TRPM8: variants seen among roughly 807,000 people sequenced by gnomAD.
TRPM8 encodes TRPM8 cationic channel.
TRPM8 carries 110 observed loss-of-function variants against 133.7 expected under a neutral mutation model. The observed-to-expected ratio is 0.82, with a 90% CI of 0.70 to 0.96. TRPM8 has a LOEUF of 0.96. Among genes scored for constraint, TRPM8 ranks in the 40% least tolerant of loss-of-function variants. TRPM8 has a pLI of 0.00. For missense variants in TRPM8, 1,291 were observed against 1,379.5 expected (o/e 0.94, Z 1.02); for synonymous variants, 535 against 532.3 (o/e 1.01, Z -0.07).
chr2:233,994,977 G>T (rs1375593938), intron 21 of TRPM8, among the ~76,000 whole-genome samples: 1 of 152,180 alleles, frequency 6.6e-6, no homozygotes, highest in Non-Finnish European at 1.5e-5. Flanking sequence ...CTAGCAAGTG[G>T]CCCAGTAAAA....
Position 233,996,510 on chromosome 2 carries a change from G to C in TRPM8, c.3124G>C (p.Val1042Leu). 1 of 1,614,150 alleles carries C rather than the reference G, an allele frequency of 6.2e-7. No individual in the cohort carries two copies. The highest frequency in any genetic ancestry group is 8.5e-7 in the Non-Finnish European group (1 of 1,179,998). The change falls in exon 22 of 26, where the codon GTC becomes CTC. Residue 1042 changes from valine to leucine, a missense_variant. By Grantham distance (32) the Val-to-Leu change is conservative (BLOSUM62 1). This residue lies in a region of TRPM8 where 328 missense variants were observed against 410.6 expected (regional missense o/e 0.80). Transcript: ENST00000324695. ...CCKEKNMESS[V>L]CCFKNEDNET... ...CAAGGAGAAAAACATGGAGTCTTCT[G>C]TCTGCTGTGAGTGGTTTATCCATGT...
At chr2:233,997,911 C>T (rs553765826) in intron 22 of TRPM8, among the ~76,000 whole-genome samples, 5 of 152,298 alleles carry the variant, frequency 3.3e-5, no homozygotes, top group African/African-American at 4.8e-5. Context: ...GAGCCAGCAT[C>T]CAGCTCTCTT....
At chr2:233,968,533 G>T (rs920101867) in intron 15 of TRPM8, among the ~76,000 whole-genome samples, 4 of 152,170 alleles carry the variant, frequency 2.6e-5, no homozygotes, top group Admixed American at 2.6e-4. Context: ...GTCCTCATGG[G>T]TCAAGCACGC....
In TRPM8 at chr2:233,939,187, A is replaced by G. The variant is rs1321616950; in HGVS notation, c.526+12A>G. ...CGCGCAGTCCAAAGGTGAGGGTGGG[A>G]GCAGCGACCGCGGGTTCTTCCATTC... On this transcript the variant is annotated intron_variant, in intron 5 of 25. Coordinates refer to ENST00000324695, the MANE Select transcript of TRPM8 (RefSeq NM_024080.5). 14 of 1,612,056 alleles carry G rather than the reference A, an allele frequency of 8.7e-6. No individual in the cohort carries two copies. The highest frequency in any genetic ancestry group is 1.7e-4 in the Middle Eastern group (1 of 6,028).
chr2:234,014,514 G>A (rs201568849), intron 24 of TRPM8, 48 bp from the exon 25 acceptor site: 1 of 1,269,622 alleles, frequency 7.9e-7, no homozygotes, highest in Non-Finnish European at 1.1e-6. Flanking sequence ...AAAAATGAAA[G>A]TTGGAAAATT....
intron 17 of TRPM8, among the ~76,000 whole-genome samples, chr2:233,973,633 A>T (rs981525609): frequency 3.5e-4 from 54 of 152,156 alleles, no homozygotes; most frequent in African/African-American, 1.3e-3. Flanking sequence ...GGGGGCTAGG[A>T]CTTCCATGTT....
At chr2:233,930,281 T>C (rs1350961166) in intron 2 of TRPM8, among the ~76,000 whole-genome samples, 11 of 152,246 alleles carry the variant, frequency 7.2e-5, no homozygotes, top group Admixed American at 7.2e-4. Flanking sequence ...TTTTGGAATA[T>C]GTCTTCTTTT....
At chr2:233,969,606 A>G in intron 15 of TRPM8, 89 bp from the exon 16 acceptor site, 4 of 769,888 alleles carry the variant, frequency 5.2e-6, no homozygotes, top group Non-Finnish European at 6.9e-6. Context: ...ATTTTGGGGA[A>G]AGTGTGGGGC....
At chr2:233,990,724 T>C (rs1692255542) in intron 21 of TRPM8, among the ~76,000 whole-genome samples, 1 of 152,174 alleles carries the variant, frequency 6.6e-6, no homozygotes, top group African/African-American at 2.4e-5. Context: ...ATGCGGTCTG[T>C]GCACTGTTAG....
chr2:233,972,501 G>A (rs1004737480), intron 17 of TRPM8, among the ~76,000 whole-genome samples: 1 of 152,240 alleles, frequency 6.6e-6, no homozygotes, highest in African/African-American at 2.4e-5. Context: ...CGATGGGACT[G>A]GGCGCCATGG....
At chr2:233,935,442 A>G (rs1433452840) in intron 3 of TRPM8, among the ~76,000 whole-genome samples, 2 of 152,200 alleles carry the variant, frequency 1.3e-5, no homozygotes, top group Non-Finnish European at 2.9e-5. Flanking sequence ...TTAGTGGTGA[A>G]TGGCTGACCA....
At position 233,981,870 on chromosome 2, in the gene TRPM8, T is replaced by C. The variant is rs1204971892; in HGVS notation, c.2544T>C (p.Thr848=). ...IFTLRLIHIF[T]VSRNLGPKII... is the part of the protein sequence containing the mutation. ...CTCTAAGATTGATCCACATTTTTAC[T>C]GTAAGCAGAAACTTAGGACCCAAGA... The change falls in exon 19 of 26, where the codon ACT becomes ACC. Residue 848 remains threonine, a synonymous_variant. Coordinates refer to ENST00000324695, the MANE Select transcript of TRPM8 (RefSeq NM_024080.5). 10 of 1,613,700 alleles carry C rather than the reference T, an allele frequency of 6.2e-6. 1 individual carries two copies. The South Asian group carries it at 9.9e-5, about 16-fold the overall frequency.
intron 21 of TRPM8, among the ~76,000 whole-genome samples, chr2:233,992,375 T>G (rs1220451529): frequency 6.6e-6 from 1 of 152,142 alleles, no homozygotes; most frequent in African/African-American, 2.4e-5. Context: ...AGTATTATGA[T>G]GCATTGTACA....
intron 17 of TRPM8, among the ~76,000 whole-genome samples, chr2:233,971,601 G>C (rs374679275): frequency 6.6e-6 from 1 of 152,228 alleles, no homozygotes; most frequent in African/African-American, 2.4e-5. Flanking sequence ...ATGAAGCCGC[G>C]GACCCTTGCG....
intron 22 of TRPM8, among the ~76,000 whole-genome samples, chr2:234,000,164 G>A (rs1692519189): frequency 6.6e-6 from 1 of 151,742 alleles, no homozygotes; most frequent in Non-Finnish European, 1.5e-5. Flanking sequence ...AGGCTGGAGT[G>A]CAGTGGCATG....
intron 20 of TRPM8, among the ~76,000 whole-genome samples, chr2:233,984,527 CTA>C (rs1402289674): frequency 3.9e-5 from 6 of 152,210 alleles, no homozygotes; most frequent in Non-Finnish European, 7.3e-5. Context: ...TCATTCCCCT[CTA>C]TTCAATTCAT....
chr2:234,019,347 T>C lies in TRPM8; in HGVS notation c.*2091T>C. Reference sequence around the variant, plus strand: ...CAGGTTACTCTGAGAATTTTGCTTATGAAAAATCATTATTTTTAGTGTAGT... The same window carrying C: ...CAGGTTACTCTGAGAATTTTGCTTACGAAAAATCATTATTTTTAGTGTAGT... On this transcript the variant is annotated 3_prime_UTR_variant, in exon 26 of 26. Transcript: ENST00000324695. 6.6e-6 allele frequency: 1 copy of C among 152,218 alleles called. No individual in the cohort carries two copies. Among genetic ancestry groups the C allele is most frequent in the East Asian group, 1.9e-4 (1 of 5,196 alleles). 9.4% of individuals were successfully genotyped at this position (152,218 alleles called of 1,614,324 possible).
At position 233,960,906 on chromosome 2, in the gene TRPM8, C is replaced by A; in HGVS notation, c.1493C>A (p.Ser498Tyr). The A allele has an allele frequency of 6.2e-7, 1 of 1,614,206 alleles. No homozygotes were observed. Among genetic ancestry groups the A allele is most frequent in the South Asian group, 1.1e-5 (1 of 91,082 alleles). ...CATGATGTCCTCACTGAACTCTTCT[C>A]CAACCACTTCAGCACGCTTGTGTAC... is the stretch of plus-strand genomic sequence containing the variant. ...LTHDVLTELFSNHFSTLVYRN... is the reference protein window; with the variant it reads ...LTHDVLTELFYNHFSTLVYRN... Residue 498 changes from serine to tyrosine, a missense_variant, in exon 12 of 26, where the codon TCC (serine) becomes TAC (tyrosine). Coordinates refer to ENST00000324695, the MANE Select transcript of TRPM8 (RefSeq NM_024080.5).
chr2:233,966,505 C>T, intron 14 of TRPM8, 105 bp from the exon 15 acceptor site: 2 of 1,404,782 alleles, frequency 1.4e-6, no homozygotes, highest in East Asian at 2.3e-5. Context: ...TGGACTCACG[C>T]ACAGGCTATT....
Sources: allele counts gnomAD v4.1 joint callset (sites outside exome capture counted in the v4.1 genomes callset), GRCh38; gene constraint gnomAD v4.1.1; regional missense constraint gnomAD v4.1.1; transcripts MANE v1.5; gene names NCBI Gene and HGNC (gene_info 2026-07-23, HGNC 2026-07-21).